RBMS3: variants seen among roughly 807,000 people sequenced by gnomAD.
The protein encoded by RBMS3 is RNA-binding motif, single-stranded-interacting protein 3.
In RBMS3, 27 loss-of-function variants were observed where a neutral mutation model predicts 66.8. The ratio of observed to expected loss-of-function variants is 0.40; its 90% CI spans 0.30 to 0.56. The LOEUF is 0.56. Ranked by LOEUF, RBMS3 falls within the 20% of genes least tolerant of loss-of-function variation. The pLI is 0.40. For synonymous variants in RBMS3, 188 were observed against 183.0 expected (o/e 1.03, Z -0.22); for missense variants, 513 against 549.5 (o/e 0.93, Z 0.66).
chr3:29,345,515 C>A (rs1200326982), intron 1 of RBMS3, among the ~76,000 whole-genome samples: 3 of 152,106 alleles, frequency 2.0e-5, no homozygotes, highest in Non-Finnish European at 2.9e-5. Context: ...TCCCCCATTG[C>A]TTTTATGGGG....
intron 12 of RBMS3, among the ~76,000 whole-genome samples, chr3:29,970,196 T>C (rs1697132651): frequency 6.6e-6 from 1 of 152,164 alleles, no homozygotes; most frequent in Admixed American, 6.5e-5. Flanking sequence ...GGAAAAACTG[T>C]CCGTAGTAGC....
At chr3:29,652,488 AAATC>A (rs2149215654) in intron 4 of RBMS3, among the ~76,000 whole-genome samples, 1 of 152,192 alleles carries the variant, frequency 6.6e-6, no homozygotes, top group South Asian at 2.1e-4. Flanking sequence ...TATTTATCAC[AAATC>A]AATGGTTTTA....
At chr3:29,413,401 CAT>C (rs1559559786) in intron 1 of RBMS3, among the ~76,000 whole-genome samples, 3 of 150,744 alleles carry the variant, frequency 2.0e-5, no homozygotes, top group Admixed American at 6.6e-5. Flanking sequence ...TACATACATA[CAT>C]ACATACATAC....
intron 4 of RBMS3, among the ~76,000 whole-genome samples, chr3:29,732,380 G>A (rs1022962163): frequency 6.6e-6 from 1 of 152,174 alleles, no homozygotes; most frequent in African/African-American, 2.4e-5. Context: ...CCCACATTGA[G>A]GAGAGCAATC....
intron 4 of RBMS3, among the ~76,000 whole-genome samples, chr3:29,632,222 A>G (rs1344894284): frequency 6.6e-6 from 1 of 151,968 alleles, no homozygotes; most frequent in African/African-American, 2.4e-5. Context: ...TCAAAGTGTT[A>G]GCAACTTTCT....
intron 1 of RBMS3, among the ~76,000 whole-genome samples, chr3:29,329,309 T>C (rs1171431361): frequency 6.6e-6 from 1 of 152,244 alleles, no homozygotes; most frequent in African/African-American, 2.4e-5. Flanking sequence ...AAAATGTATA[T>C]ACAATTCTTC....
Position 29,587,193 on chromosome 3 carries a change from A to G in RBMS3, c.387A>G (p.Ala129=). 6.7e-7 allele frequency: 1 copy of G among 1,495,950 alleles called. No individual in the cohort carries two copies. Among genetic ancestry groups the G allele is most frequent in the Non-Finnish European group, 9.2e-7 (1 of 1,092,836 alleles). 92.7% of individuals were successfully genotyped at this position (1,495,950 alleles called of 1,614,324 possible). A position where few individuals can be genotyped will look rare whatever the true frequency, so the allele number is the denominator to read the frequency against. ...CTCTCAAGGCAAATGGCGTGCAGGC[A>G]CAGATGGCTAAGGTAAGATTGATGT... is the stretch of plus-strand genomic sequence containing the variant. ...VASLKANGVQ[A]QMAKQQEQDP... Residue 129 remains alanine (A), a synonymous_variant, in exon 4 of 15, where the codon GCA becomes GCG. Transcript: ENST00000383767.
chr3:29,962,765 A>G (rs1018392431), intron 12 of RBMS3, among the ~76,000 whole-genome samples: 1 of 152,104 alleles, frequency 6.6e-6, no homozygotes, highest in African/African-American at 2.4e-5. Flanking sequence ...TATTTATAAA[A>G]TATATAAAAC....
At chr3:29,626,432 A>G (rs79070749) in intron 4 of RBMS3, among the ~76,000 whole-genome samples, 13,063 of 152,228 alleles carry the variant, frequency 0.086, 1,033 homozygotes, top group East Asian at 0.35. Flanking sequence ...TATCAATATT[A>G]GCCATTCTAA....
At chr3:29,742,259 T>C (rs906543275) in intron 5 of RBMS3, among the ~76,000 whole-genome samples, 1 of 152,212 alleles carries the variant, frequency 6.6e-6, no homozygotes, top group Non-Finnish European at 1.5e-5. Context: ...GAATTTTACA[T>C]TTTAGCTCTA....
chr3:29,892,654 A>T (rs2060028669), intron 8 of RBMS3, among the ~76,000 whole-genome samples: 2 of 151,544 alleles, frequency 1.3e-5, no homozygotes, highest in Admixed American at 6.6e-5. Flanking sequence ...TAAGCAACTC[A>T]TTCCCATTTT....
chr3:29,379,545 A>C (rs2038660278), intron 1 of RBMS3, among the ~76,000 whole-genome samples: 1 of 152,178 alleles, frequency 6.6e-6, no homozygotes, highest in East Asian at 1.9e-4. Flanking sequence ...ACATGGCGGC[A>C]GTGCAGGGAA....
intron 6 of RBMS3, among the ~76,000 whole-genome samples, chr3:29,802,889 T>G (rs1275975319): frequency 3.3e-5 from 5 of 152,166 alleles, no homozygotes; most frequent in Non-Finnish European, 7.3e-5. Flanking sequence ...ATAAGACCCT[T>G]TCTGCCCTTA....
intron 2 of RBMS3, among the ~76,000 whole-genome samples, chr3:29,435,859 G>A (rs563279129): frequency 8.6e-4 from 129 of 150,706 alleles, no homozygotes; most frequent in African/African-American, 2.9e-3. Context: ...CCTGTAGTCC[G>A]AGCTACTCAG....
chr3:29,489,299 A>C (rs558605641), intron 3 of RBMS3, among the ~76,000 whole-genome samples: 4 of 152,172 alleles, frequency 2.6e-5, no homozygotes, highest in Admixed American at 2.6e-4. Context: ...GTTTTAGGAA[A>C]GAACACTCAG....
chr3:29,792,390 T>G (rs2057043570), intron 6 of RBMS3, among the ~76,000 whole-genome samples: 1 of 152,204 alleles, frequency 6.6e-6, no homozygotes. Context: ...AGTTCTTACT[T>G]TGAAATGCAG....
chr3:29,801,854 T>C (rs556845167), intron 6 of RBMS3, among the ~76,000 whole-genome samples: 1 of 152,278 alleles, frequency 6.6e-6, no homozygotes, highest in South Asian at 2.1e-4. Flanking sequence ...AGCTCTTTCA[T>C]CTTAATTTCC....
In RBMS3 at chr3:29,541,664, T is replaced by C. The variant is rs148009630; in HGVS notation, c.308-45450T>C. On this transcript the variant is annotated intron_variant, in intron 3 of 14. Transcript: ENST00000383767. Reference sequence around the variant, plus strand: ...TCTCAACTGACAACCTAAGGGGTCATGTCAAAATGTCATTCCTGTCCTCAA... The same window carrying C: ...TCTCAACTGACAACCTAAGGGGTCACGTCAAAATGTCATTCCTGTCCTCAA... Among the ~76,000 whole-genome samples the C allele has an allele frequency of 5.7e-4, 87 of 152,306 alleles. No homozygotes were observed. In the Middle Eastern group the frequency reaches 0.01, roughly 18 times the overall value.
chr3:29,762,788 G>A, intron 5 of RBMS3, 122 bp from the exon 6 acceptor site: 1 of 679,014 alleles, frequency 1.5e-6, no homozygotes, highest in Non-Finnish European at 2.6e-6. Flanking sequence ...CATGAAAAAA[G>A]TTGGCAATTA....
Sources: allele counts gnomAD v4.1 joint callset (sites outside exome capture counted in the v4.1 genomes callset), GRCh38; gene constraint gnomAD v4.1.1; transcripts MANE v1.5; gene names NCBI Gene and HGNC (gene_info 2026-07-23, HGNC 2026-07-21).